The following SEPTIN10 variants were observed in gnomAD, a reference collection of about 807,000 sequenced individuals.
The protein encoded by SEPTIN10 is septin-10.
SEPTIN10 carries 66 observed loss-of-function variants against 54.8 expected under a neutral mutation model. The observed-to-expected ratio is 1.21, with a 90% CI of 0.99 to 1.48. SEPTIN10 has a LOEUF of 1.48. Ranked by LOEUF, SEPTIN10 falls within the 40% of genes most tolerant of loss-of-function variation. SEPTIN10 has a pLI of 0.00. For synonymous variants in SEPTIN10, 161 were observed against 181.0 expected (o/e 0.89, Z 0.89); for missense variants, 620 against 545.6 (o/e 1.14, Z -1.36).
At chr2:109,544,442 G>A in intron 10 of SEPTIN10, 118 bp from the exon 11 acceptor site, 4 of 1,399,184 alleles carry the variant, frequency 2.9e-6, no homozygotes, top group African/African-American at 1.5e-5. Context: ...AAAAAGAAAA[G>A]AAAAAACCAA....
chr2:109,592,965 G>A, intron 2 of SEPTIN10, 86 bp downstream of exon 2: 1 of 807,638 alleles, frequency 1.2e-6, no homozygotes, highest in Non-Finnish European at 1.8e-6. Context: ...TCTATCACAA[G>A]AGTCTATAAG....
chr2:109,580,710 C>A (rs1306301694), intron 4 of SEPTIN10, among the ~76,000 whole-genome samples: 5 of 152,116 alleles, frequency 3.3e-5, no homozygotes, highest in Non-Finnish European at 5.9e-5. Flanking sequence ...TAACTAGAAA[C>A]CTGAACAAAA....
chr2:109,600,687 C>T (rs1696418054), intron 1 of SEPTIN10, among the ~76,000 whole-genome samples: 1 of 152,236 alleles, frequency 6.6e-6, no homozygotes, highest in South Asian at 2.1e-4. Context: ...TAATTTAATT[C>T]TGACTTCTCT....
intron 1 of SEPTIN10, among the ~76,000 whole-genome samples, chr2:109,595,606 T>A (rs1004342215): frequency 1.3e-5 from 2 of 151,960 alleles, no homozygotes; most frequent in African/African-American, 4.8e-5. Flanking sequence ...GACTTTGAAG[T>A]GAGTCAGGAA....
intron 1 of SEPTIN10, chr2:109,594,925 T>C (rs1296227747): frequency 1.3e-5 from 2 of 152,008 alleles, no homozygotes; most frequent in Non-Finnish European, 2.9e-5. Context: ...TCTCACTCCG[T>C]CACCCAGGCT....
chr2:109,560,283 G>A (rs968189422), intron 8 of SEPTIN10, among the ~76,000 whole-genome samples: 3 of 152,116 alleles, frequency 2.0e-5, no homozygotes, highest in African/African-American at 4.8e-5. Flanking sequence ...AATTGTCAAG[G>A]AAGCACCTCT....
At chr2:109,598,540 C>T (rs1488295956) in intron 1 of SEPTIN10, among the ~76,000 whole-genome samples, 1 of 151,950 alleles carries the variant, frequency 6.6e-6, no homozygotes, top group African/African-American at 2.4e-5. Context: ...CAAAAAGTGG[C>T]CTAAATAATT....
Position 109,613,943 on chromosome 2 carries a change from G to C in SEPTIN10, c.-116C>G, listed in dbSNP as rs1381526266. The C allele has an allele frequency of 1.6e-5, 19 of 1,216,646 alleles. No homozygotes were observed. Among genetic ancestry groups the C allele is most frequent in the Non-Finnish European group, 1.9e-5 (19 of 978,112 alleles). 75.4% of individuals were successfully genotyped at this position (1,216,646 alleles called of 1,614,324 possible). ...AAGCAACGGGCGGGGCGCGAGGCTAGGCTGCCTCCGCGACGGGGAAGGGAC... is the reference window on the plus strand; with the variant it reads ...AAGCAACGGGCGGGGCGCGAGGCTACGCTGCCTCCGCGACGGGGAAGGGAC... On this transcript the variant is annotated 5_prime_UTR_variant, in exon 1 of 11. Transcript: ENST00000397712.
In SEPTIN10 at chr2:109,544,070, T is replaced by C. The variant is rs1680539976; in HGVS notation, c.*239A>G. ...GTCAGTGCTCAAAAAGATTCAGATT[T>C]TGAAGCTTCTGGATTTCAGATTTTT... On this transcript the variant is annotated 3_prime_UTR_variant, in exon 11 of 11. Transcript: ENST00000397712. The C allele has an allele frequency of 7.6e-7, 1 of 1,311,196 alleles. No homozygotes were observed. Among genetic ancestry groups the C allele is most frequent in the Non-Finnish European group, 1.0e-6 (1 of 959,188 alleles). 81.2% of individuals were successfully genotyped at this position (1,311,196 alleles called of 1,614,324 possible). A position where few individuals can be genotyped will look rare whatever the true frequency, so the allele number is the denominator to read the frequency against.
chr2:109,578,430 T>C (rs1690233983), intron 4 of SEPTIN10, among the ~76,000 whole-genome samples: 2 of 152,170 alleles, frequency 1.3e-5, no homozygotes, highest in Admixed American at 1.3e-4. Context: ...AATAAAAGTG[T>C]CAATGCTTCA....
chr2:109,544,437 GA>G (rs1680658010), intron 10 of SEPTIN10, 113 bp from the exon 11 acceptor site: 1 of 1,402,536 alleles, frequency 7.1e-7, no homozygotes, highest in Non-Finnish European at 9.2e-7. Context: ...CTTTGAAAAA[GA>G]AAAGAAAAAA....
chr2:109,577,598 T>TAAAA (rs566368167), intron 4 of SEPTIN10, among the ~76,000 whole-genome samples: 2 of 133,310 alleles, frequency 1.5e-5, no homozygotes, highest in East Asian at 4.3e-4. Context: ...CCTCAAAATT[T>TAAAA]AAAAAAAAAA....
chr2:109,577,242 T>C (rs950745600), intron 4 of SEPTIN10, among the ~76,000 whole-genome samples: 1 of 152,180 alleles, frequency 6.6e-6, no homozygotes, highest in Non-Finnish European at 1.5e-5. Flanking sequence ...ACAGAAATTT[T>C]TGGTTAATAG....
chr2:109,560,692 G>A (rs573602942), intron 8 of SEPTIN10, among the ~76,000 whole-genome samples: 69 of 152,194 alleles, frequency 4.5e-4, no homozygotes, highest in African/African-American at 1.6e-3. Context: ...GACCTCCATT[G>A]TGCCTACCAC....
At chr2:109,546,562 A>G (rs866535640) in intron 9 of SEPTIN10, among the ~76,000 whole-genome samples, 4 of 152,094 alleles carry the variant, frequency 2.6e-5, no homozygotes, top group Non-Finnish European at 4.4e-5. Context: ...TCTCAAGTCC[A>G]TGCTCAATAA....
intron 1 of SEPTIN10, among the ~76,000 whole-genome samples, chr2:109,608,292 A>G (rs1469158561): frequency 6.6e-6 from 1 of 152,200 alleles, no homozygotes; most frequent in Non-Finnish European, 1.5e-5. Flanking sequence ...CACTCACAGA[A>G]CATTCAAGGT....
Position 109,574,723 on chromosome 2 carries a change from T to G in SEPTIN10, c.458A>C (p.Tyr153Ser). ...CTTAATCTTCAGTTCTTCTTGGAGA[T>G]AGGCCTCAAACTGAGCATCTATGTA... ...VDYIDAQFEA[Y>S]LQEELKIKRS... Residue 153 changes from tyrosine to serine, a missense_variant, in exon 5 of 11, where the codon TAT (tyrosine) becomes TCT (serine). Coordinates refer to ENST00000397712, the MANE Select transcript of SEPTIN10 (RefSeq NM_144710.5). 1.9e-6 allele frequency: 3 copies of G among 1,604,818 alleles called. No homozygotes were observed. The highest frequency in any genetic ancestry group is 2.2e-5 in the South Asian group (2 of 89,292).
At chr2:109,546,345 T>C (rs954574294) in intron 9 of SEPTIN10, 108 bp from the exon 10 acceptor site, 8 of 585,188 alleles carry the variant, frequency 1.4e-5, no homozygotes, top group African/African-American at 3.8e-5. Flanking sequence ...CAGAATAACC[T>C]ACACAGTCAA....
chr2:109,603,117 A>G (rs1183341816), intron 1 of SEPTIN10, among the ~76,000 whole-genome samples: 1 of 152,118 alleles, frequency 6.6e-6, no homozygotes, highest in Non-Finnish European at 1.5e-5. Context: ...AAAAGGACCT[A>G]AAGTTGACAG....
Sources: allele counts gnomAD v4.1 joint callset (sites outside exome capture counted in the v4.1 genomes callset), GRCh38; gene constraint gnomAD v4.1.1; transcripts MANE v1.5; gene names NCBI Gene and HGNC (gene_info 2026-07-23, HGNC 2026-07-21).